Variants in RP1 observed in about 807,000 individuals in gnomAD.
The protein encoded by RP1 is oxygen-regulated protein 1.
In RP1, 16 loss-of-function variants were observed where a neutral mutation model predicts 14.8. That is an observed-to-expected ratio of 1.08 (90% confidence interval 0.73 to 1.65). The LOEUF (loss-of-function observed/expected upper bound fraction) is 1.65, where lower values mean the gene tolerates loss of function less well. Ranked by LOEUF, RP1 falls within the 40% of genes most tolerant of loss-of-function variation. The pLI is 0.00. For missense variants in RP1, 2,631 were observed against 2,535.0 expected (o/e 1.04, Z -0.81); for synonymous variants, 876 against 883.6 (o/e 0.99, Z 0.15).
intron 24 of RP1, among the ~76,000 whole-genome samples, chr8:54,803,309 A>G (rs147528549): frequency 6.5e-4 from 99 of 152,330 alleles, no homozygotes; most frequent in African/African-American, 2.3e-3. Flanking sequence ...CGTAGACAGA[A>G]TTTTGGAACT....
chr8:54,765,501 A>T (rs1809739701), intron 22 of RP1, among the ~76,000 whole-genome samples: 1 of 152,240 alleles, frequency 6.6e-6, no homozygotes, highest in African/African-American at 2.4e-5. Context: ...TTTTACACCT[A>T]GGCCAGCTCT....
rs773252188 is a variant in RP1 at position 54,629,969 on chromosome 8, G to A, written c.6087G>A (p.Lys2029=). 4.3e-6 allele frequency: 7 copies of A among 1,613,996 alleles called. No homozygotes were observed. Among genetic ancestry groups the A allele is most frequent in the Non-Finnish European group, 5.1e-6 (6 of 1,179,948 alleles). ...TAAAGAAATTTCAACCAGATTTGAA[G>A]GAAAGGTTTTGTATGAATTTCTTGC... The part of the protein sequence containing the change: ...GNLKKFQPDL[K]ERFCMNFLHT... The change falls in exon 4 of 4, where the codon AAG becomes AAA. Residue 2029 remains lysine (K), a synonymous_variant. Coordinates refer to ENST00000220676, the MANE Select transcript of RP1 (RefSeq NM_006269.2).
In RP1 at chr8:54,630,221, C is replaced by T. The variant is rs1231879399; in HGVS notation, c.6339C>T (p.Thr2113=). 6.2e-7 allele frequency: 1 copy of T among 1,613,568 alleles called. No homozygotes were observed. Among genetic ancestry groups the T allele is most frequent in the Admixed American group, 1.7e-5 (1 of 60,010 alleles). Residue 2113 remains threonine (T), a synonymous_variant, in exon 4 of 4, where the codon ACC becomes ACT. Transcript: ENST00000220676. ...TCTTAGATATTTGCCAAGTTGAGAC[C>T]TCCTTAAATATTAGCAACAGAAATA... ...ACLLDICQVE[T]SLNISNRNIL...
intron 7 of RP1, among the ~76,000 whole-genome samples, chr8:54,672,440 A>G (rs937530883): frequency 6.6e-6 from 1 of 152,110 alleles, no homozygotes; most frequent in Non-Finnish European, 1.5e-5. Flanking sequence ...TTTTGGATGA[A>G]GTCCTTTCTT....
intron 12 of RP1, among the ~76,000 whole-genome samples, chr8:54,691,248 A>G (rs1044773465): frequency 2.1e-4 from 32 of 152,220 alleles, no homozygotes; most frequent in African/African-American, 7.0e-4. Flanking sequence ...TTGATTGAGA[A>G]GAAAGAAAAA....
chr8:54,627,870 G>C lies in RP1; in HGVS notation c.3988G>C (p.Asp1330His), dbSNP rs756252290. The C allele has an allele frequency of 1.9e-6, 3 of 1,614,002 alleles. No individual in the cohort carries two copies. Among genetic ancestry groups the C allele is most frequent in the Non-Finnish European group, 2.5e-6 (3 of 1,179,990 alleles). ...NHTYEGACPI[D>H]ETYVPVNVCN... ...TACCTATGAGGGAGCTTGCCCAATT[G>C]ATGAGACCTACGTTCCTGTCAATGT... Residue 1330 changes from aspartate (D) to histidine (H), a missense_variant, in exon 4 of 4, where the codon GAT (aspartate) becomes CAT (histidine). Transcript: ENST00000220676.
chr8:54,868,841 C>G (rs910140718), intron 28 of RP1, among the ~76,000 whole-genome samples: 1 of 151,992 alleles, frequency 6.6e-6, no homozygotes, highest in Non-Finnish European at 1.5e-5. Flanking sequence ...GAAAAGGTCT[C>G]CGAGAAGGAG....
At position 54,621,133 on chromosome 8, in the gene RP1, A is replaced by G. The variant is rs1238081457; in HGVS notation, c.167A>G (p.Asn56Ser). 1.2e-6 allele frequency: 2 copies of G among 1,614,040 alleles called. No homozygotes were observed. Among genetic ancestry groups the G allele is most frequent in the Non-Finnish European group, 1.7e-6 (2 of 1,179,988 alleles). The change falls in exon 2 of 4, where the codon AAC (asparagine) becomes AGC (serine). Residue 56 changes from asparagine (N) to serine (S), a missense_variant. Asn to Ser is a conservative substitution (Grantham distance 46). Transcript: ENST00000220676. ...PQFGGVRVVV[N>S]PRSFKSFDAL... ...TTCGGCGGGGTCAGGGTGGTGGTCA[A>G]CCCTCGCTCCTTTAAGTCCTTTGAT...
At chr8:54,587,714 T>G (rs1488175322) in intron 1 of RP1, among the ~76,000 whole-genome samples, 1 of 152,188 alleles carries the variant, frequency 6.6e-6, no homozygotes, top group Non-Finnish European at 1.5e-5. Flanking sequence ...TCATCTAAAA[T>G]TAGACGGGAC....
chr8:54,810,425 C>T (rs1408758912), intron 24 of RP1, among the ~76,000 whole-genome samples: 1 of 152,164 alleles, frequency 6.6e-6, no homozygotes, highest in African/African-American at 2.4e-5. Context: ...TCTTTTGCTT[C>T]TTGCCTTTGT....
chr8:54,852,839 G>A (rs987646786), intron 26 of RP1: 4 of 739,212 alleles, frequency 5.4e-6, no homozygotes, highest in Admixed American at 4.3e-5. Flanking sequence ...ATTCCTGTGA[G>A]GAATTCAGGG....
Position 54,846,435 on chromosome 8 carries a change from G to A in RP1, c.3836-6139G>A, listed in dbSNP as rs1393198632. Among the ~76,000 whole-genome samples, 6 of 152,280 alleles carry A rather than the reference G, an allele frequency of 3.9e-5. No individual in the cohort carries two copies. In the East Asian group the frequency reaches 1.2e-3, roughly 29 times the overall value. On this transcript the variant is annotated intron_variant, in intron 25 of 28. Transcript: ENST00000637698. ...GCCCTTCCTAAGGAAAGTATTGCGT[G>A]TGATGGAAATATTCCCTATCTTGAT...
intron 3 of RP1, among the ~76,000 whole-genome samples, chr8:54,638,328 C>T (rs534137527): frequency 1.3e-5 from 2 of 151,716 alleles, no homozygotes; most frequent in African/African-American, 4.8e-5. Flanking sequence ...ATCTCAGCTA[C>T]TTGGGAGGCT....
intron 12 of RP1, among the ~76,000 whole-genome samples, chr8:54,689,261 G>T (rs1035691444): frequency 6.6e-6 from 1 of 152,108 alleles, no homozygotes; most frequent in African/African-American, 2.4e-5. Flanking sequence ...TCTGCAAACA[G>T]GGACAAATTG....
At chr8:54,581,520 C>T (rs914668372) in intron 1 of RP1, among the ~76,000 whole-genome samples, 5 of 152,174 alleles carry the variant, frequency 3.3e-5, no homozygotes, top group South Asian at 2.1e-4. Context: ...GGTATATACC[C>T]AGCAATGGGA....
upstream of RP1, among the ~76,000 whole-genome samples, chr8:54,615,225 G>T (rs1805687137): frequency 6.6e-6 from 1 of 152,142 alleles, no homozygotes; most frequent in South Asian, 2.1e-4. Context: ...TAGGTGGCCT[G>T]CAACAAAGTC....
At position 54,712,756 on chromosome 8, in the gene RP1, AGT is replaced by A. The variant is rs1310570946; in HGVS notation, c.2211+6103_2211+6104del. On this transcript the variant is annotated intron_variant, in intron 15 of 22. Coordinates refer to the RP1 transcript ENST00000636932. ...AAAATTCTCCATCTCAAATTTTGGT[AGT>A]GAGTCATTTTACTCAAAATGCCTGT... Among the ~76,000 whole-genome samples the A allele has an allele frequency of 2.6e-5, 4 of 152,324 alleles. No homozygotes were observed. In the East Asian group the frequency reaches 7.7e-4, roughly 29 times the overall value.
chr8:54,680,711 C>T (rs1285718317), intron 12 of RP1, among the ~76,000 whole-genome samples: 1 of 152,106 alleles, frequency 6.6e-6, no homozygotes, highest in African/African-American at 2.4e-5. Flanking sequence ...GTAATCTCAG[C>T]ACTTTGGGAG....
intron 1 of RP1, among the ~76,000 whole-genome samples, chr8:54,601,736 A>C (rs1393307949): frequency 6.6e-6 from 1 of 152,198 alleles, no homozygotes; most frequent in Non-Finnish European, 1.5e-5. Context: ...AAATACAATA[A>C]AATATTTGAA....
Sources: allele counts gnomAD v4.1 joint callset (sites outside exome capture counted in the v4.1 genomes callset), GRCh38; gene constraint gnomAD v4.1.1; transcripts MANE v1.5; gene names NCBI Gene and HGNC (gene_info 2026-07-23, HGNC 2026-07-21).